The following TUSC3 variants were observed in gnomAD, a reference collection of about 807,000 sequenced individuals.
TUSC3 encodes the protein tumor suppressor candidate 3.
A neutral mutation model predicts 44.8 loss-of-function variants in TUSC3; 45 were observed. The observed-to-expected ratio is 1.00, with a 90% confidence interval of 0.79 to 1.29. The LOEUF (loss-of-function observed/expected upper bound fraction) is 1.29. Ranked by LOEUF, TUSC3 falls within the 50% of genes most tolerant of loss-of-function variation. The pLI is 0.00. For synonymous variants in TUSC3, 212 were observed against 152.9 expected (o/e 1.39, Z -2.85); for missense variants, 519 against 437.9 (o/e 1.19, Z -1.65).
intron 2 of TUSC3, among the ~76,000 whole-genome samples, chr8:15,640,732 A>G (rs1419616009): frequency 1.3e-5 from 2 of 152,130 alleles, no homozygotes; most frequent in South Asian, 2.1e-4. Flanking sequence ...TTTTTATTGA[A>G]TGGTCACTGT....
chr8:15,687,004 C>T (rs549338222), intron 6 of TUSC3, among the ~76,000 whole-genome samples: 28 of 152,098 alleles, frequency 1.8e-4, no homozygotes, highest in African/African-American at 6.7e-4. Flanking sequence ...ACCCGGGAGG[C>T]GGAGCTTGCA....
At chr8:15,697,797 T>G (rs945474426) in intron 6 of TUSC3, among the ~76,000 whole-genome samples, 3 of 152,254 alleles carry the variant, frequency 2.0e-5, no homozygotes, top group African/African-American at 7.2e-5. Context: ...GAAATTGTTT[T>G]AGATTTGTTT....
chr8:15,442,331 T>A (rs1399942893), intron 1 of TUSC3, among the ~76,000 whole-genome samples: 2 of 152,180 alleles, frequency 1.3e-5, no homozygotes, highest in Non-Finnish European at 2.9e-5. Context: ...GGAAGTATTT[T>A]TTTTAAAGGT....
intron 2 of TUSC3, among the ~76,000 whole-genome samples, chr8:15,628,323 A>G (rs1805606397): frequency 6.6e-6 from 1 of 152,194 alleles, no homozygotes; most frequent in Non-Finnish European, 1.5e-5. Context: ...TAAATGGTGC[A>G]TTCTTTGGAT....
intron 1 of TUSC3, among the ~76,000 whole-genome samples, chr8:15,554,536 A>T (rs1309397544): frequency 6.6e-6 from 1 of 150,530 alleles, no homozygotes; most frequent in Non-Finnish European, 1.5e-5. Context: ...TGGAGCTCTT[A>T]GTGCACTATA....
At chr8:15,533,121 C>G (rs893953279) in intron 2 of TUSC3, among the ~76,000 whole-genome samples, 1 of 152,088 alleles carries the variant, frequency 6.6e-6, no homozygotes, top group Admixed American at 6.6e-5. Context: ...TGGGAGTTTC[C>G]CTGTACCAGT....
At chr8:15,473,095 A>AT in intron 1 of TUSC3, among the ~76,000 whole-genome samples, 1 of 152,270 alleles carries the variant, frequency 6.6e-6, no homozygotes, top group Middle Eastern at 3.4e-3. Flanking sequence ...TGTGTTTCTC[A>AT]TTCTTTTTAG....
chr8:15,712,057 A>G (rs1023244021), intron 6 of TUSC3, among the ~76,000 whole-genome samples: 7 of 151,984 alleles, frequency 4.6e-5, no homozygotes, highest in Non-Finnish European at 8.8e-5. Context: ...GTTTCGTCAC[A>G]TAATAATTTT....
At chr8:15,446,804 A>T (rs569819802) in intron 1 of TUSC3, among the ~76,000 whole-genome samples, 1 of 151,814 alleles carries the variant, frequency 6.6e-6, no homozygotes, top group Non-Finnish European at 1.5e-5. Context: ...TTTACAGATT[A>T]AATAAAGACA....
intron 1 of TUSC3, among the ~76,000 whole-genome samples, chr8:15,449,135 C>T (rs929968180): frequency 1.3e-5 from 2 of 152,058 alleles, no homozygotes; most frequent in African/African-American, 4.8e-5. Flanking sequence ...GGAAGTGAAG[C>T]CTCTGGCCAG....
the TUSC3 span, among the ~76,000 whole-genome samples, chr8:15,779,028 A>C: frequency 6.6e-6 from 1 of 152,016 alleles, no homozygotes; most frequent in South Asian, 2.1e-4. Context: ...TGGAGTTGGA[A>C]TAGTCTATTT....
Position 15,427,276 on chromosome 8 carries a change from T to C in TUSC3, n.91+9971T>C, listed in dbSNP as rs114306452. ...TTTAATATAATCCTGTTACAGGAGG[T>C]AGCTGGTCAGGTATGAGCAGGGCAG... is the stretch of plus-strand genomic sequence containing the variant. On this transcript the variant is annotated intron_variant and non_coding_transcript_variant, in intron 1 of 5. Transcript: ENST00000503191. Among the ~76,000 whole-genome samples the C allele has an allele frequency of 8.8e-3, 1,323 of 149,932 alleles. 22 individuals are homozygous for C. The highest frequency in any genetic ancestry group is 0.03 in the African/African-American group (1,236 of 40,684).
chr8:15,523,390 G>C (rs765217040), intron 2 of TUSC3, among the ~76,000 whole-genome samples: 13 of 151,982 alleles, frequency 8.6e-5, no homozygotes, highest in Non-Finnish European at 1.3e-4. Context: ...ACATTTTGCA[G>C]TATCCTTTGT....
chr8:15,523,928 C>T (rs553521227), intron 2 of TUSC3, among the ~76,000 whole-genome samples: 1 of 151,066 alleles, frequency 6.6e-6, no homozygotes, highest in Admixed American at 6.6e-5. Flanking sequence ...TGGTGGCGCG[C>T]ACCTGTAGTC....
chr8:15,513,720 G>A (rs1355914351), intron 2 of TUSC3, among the ~76,000 whole-genome samples: 1 of 152,078 alleles, frequency 6.6e-6, no homozygotes, highest in Non-Finnish European at 1.5e-5. Flanking sequence ...ACACATTTTC[G>A]CTTCCAGTCA....
chr8:15,699,423 A>C (rs1210062688), intron 6 of TUSC3, among the ~76,000 whole-genome samples: 2 of 152,202 alleles, frequency 1.3e-5, no homozygotes, highest in African/African-American at 4.8e-5. Context: ...CACTGATGGT[A>C]GTGAAACAGA....
intron 1 of TUSC3, among the ~76,000 whole-genome samples, chr8:15,479,562 T>C (rs1800630875): frequency 6.6e-6 from 1 of 152,194 alleles, no homozygotes; most frequent in Non-Finnish European, 1.5e-5. Context: ...GTTGCTTATT[T>C]TTGTAAGGTT....
At chr8:15,591,393 T>G (rs1422955482) in intron 1 of TUSC3, among the ~76,000 whole-genome samples, 1 of 152,164 alleles carries the variant, frequency 6.6e-6, no homozygotes, top group African/African-American at 2.4e-5. Context: ...TTGGACAAAG[T>G]TTAATCTATT....
chr8:15,614,320 A>G (rs574970338), intron 1 of TUSC3, among the ~76,000 whole-genome samples: 1 of 152,214 alleles, frequency 6.6e-6, no homozygotes, highest in South Asian at 2.1e-4. Context: ...ATTTCTTAAC[A>G]TGCACTCATT....
Sources: gnomAD v4.1 joint callset for allele counts (sites outside exome capture counted in the v4.1 genomes callset) on GRCh38, gnomAD v4.1.1 for gene constraint, MANE v1.5 for transcripts, NCBI Gene and HGNC (gene_info 2026-07-23, HGNC 2026-07-21) for gene names.